The following LARP1 variants were observed in gnomAD, a reference collection of about 807,000 sequenced individuals.
LARP1 encodes the protein La ribonucleoprotein 1, translational regulator.
In LARP1, 36 loss-of-function variants were observed where a neutral mutation model predicts 122.7. The observed-to-expected ratio is 0.29, with a 90% CI of 0.22 to 0.39. LARP1 has a LOEUF of 0.39. LARP1 is among the 10% of genes least tolerant of loss of function. LARP1 has a pLI of 1.00. For missense variants in LARP1, 1,040 were observed against 1,403.6 expected, an observed-to-expected ratio of 0.74 and a Z score of 4.14; for synonymous variants, 539 against 528.7, an observed-to-expected ratio of 1.02 and a Z score of -0.27.
chr5:154,750,985 G>A (rs1201649517), upstream of LARP1, among the ~76,000 whole-genome samples: 3 of 152,186 alleles, frequency 2.0e-5, no homozygotes, highest in African/African-American at 7.2e-5. Context: ...TCTGCCTAAA[G>A]CATATTTTGT....
chr5:154,736,541 TTTA>T (rs1561554069), intron 1 of LARP1, among the ~76,000 whole-genome samples: 5 of 92,580 alleles, frequency 5.4e-5, no homozygotes, highest in Admixed American at 2.3e-4. Flanking sequence ...CCTATTTTTA[TTTA>T]TTTATTTATT....
upstream of LARP1, among the ~76,000 whole-genome samples, chr5:154,754,793 C>A (rs1295595829): frequency 6.6e-6 from 1 of 152,132 alleles, no homozygotes; most frequent in Non-Finnish European, 1.5e-5. Context: ...GTCACCCGGG[C>A]GGGGACCGAA....
chr5:154,746,231 T>C (rs1423592077), intron 1 of LARP1, among the ~76,000 whole-genome samples: 3 of 151,490 alleles, frequency 2.0e-5, no homozygotes, highest in Non-Finnish European at 4.4e-5. Context: ...GACCATGTCT[T>C]GTCCCTTATT....
intron 8 of LARP1, among the ~76,000 whole-genome samples, chr5:154,798,685 A>T (rs1034085510): frequency 3.9e-5 from 6 of 152,214 alleles, no homozygotes; most frequent in Admixed American, 2.6e-4. Flanking sequence ...GTAGTGATAG[A>T]GTCTCGCTAT....
At position 154,756,190 on chromosome 5, in the gene LARP1, C is replaced by A; in HGVS notation, c.433C>A (p.Pro145Thr). The change falls in exon 1 of 19, where the codon CCA becomes ACA. Residue 145 changes from proline to threonine, a missense_variant. By Grantham distance (38) the Pro-to-Thr change is conservative. Transcript: ENST00000518297. The stretch of plus-strand genomic sequence containing the variant: ...GACCACCGTGAACGGACAGTCCCCC[C>A]CAGGTGGGTCTCCCTCCTTGCCCTC... ...VLTTVNGQSPPEHSAPAKVVR... is the reference protein window; with the variant it reads ...VLTTVNGQSPTEHSAPAKVVR... 1.5e-6 allele frequency: 2 copies of A among 1,294,898 alleles called. No homozygotes were observed. The highest frequency in any genetic ancestry group is 2.0e-6 in the Non-Finnish European group (2 of 988,624). The allele number at this position is 1,294,898 out of a possible 1,614,324, so 80.2% of individuals were successfully genotyped here. A position where few individuals can be genotyped will look rare whatever the true frequency, so the allele number is the denominator to read the frequency against.
chr5:154,793,485 CA>C, intron 4 of LARP1, 109 bp from the exon 5 acceptor site: 2 of 1,370,214 alleles, frequency 1.5e-6, no homozygotes, highest in Non-Finnish European at 2.1e-6. Flanking sequence ...CCAAGGTAAC[CA>C]GATTGTGATT....
At chr5:154,784,440 A>G (rs1266695720) in intron 1 of LARP1, among the ~76,000 whole-genome samples, 1 of 152,200 alleles carries the variant, frequency 6.6e-6, no homozygotes, top group Non-Finnish European at 1.5e-5. Flanking sequence ...CCTAAACCCA[A>G]CAGATTACCT....
intron 1 of LARP1, among the ~76,000 whole-genome samples, chr5:154,765,988 CT>C (rs1754917961): frequency 6.6e-6 from 1 of 151,386 alleles, no homozygotes; most frequent in South Asian, 2.1e-4. Flanking sequence ...GTATGGAATT[CT>C]TTGGCAGTGT....
At chr5:154,796,346 G>GT (rs1442848248) in intron 8 of LARP1, among the ~76,000 whole-genome samples, 1 of 150,778 alleles carries the variant, frequency 6.6e-6, no homozygotes, top group Non-Finnish European at 1.5e-5. Context: ...GCAGGACCCT[G>GT]TCTCTACAAA....
At chr5:154,754,844 G>T (rs1007070402), upstream of LARP1, among the ~76,000 whole-genome samples, 2 of 152,080 alleles carry the variant, frequency 1.3e-5, no homozygotes, top group African/African-American at 4.8e-5. Context: ...GGCGGCGTTG[G>T]CGCGTCCTCG....
chr5:154,804,459 C>T, intron 14 of LARP1, 152 bp downstream of exon 14: 1 of 647,738 alleles, frequency 1.5e-6, no homozygotes, highest in Non-Finnish European at 2.7e-6. Context: ...AAAGCTCAGC[C>T]CAGGACCTGG....
At chr5:154,791,245 A>G (rs753880052) in intron 3 of LARP1, among the ~76,000 whole-genome samples, 1 of 128,538 alleles carries the variant, frequency 7.8e-6, no homozygotes, top group African/African-American at 3.0e-5. Flanking sequence ...AGCAATTCTC[A>G]CTCTGTCACC....
rs144793019 is a variant in LARP1 at position 154,778,732 on chromosome 5, C to T, written c.437-11593C>T. On this transcript the variant is annotated intron_variant, in intron 1 of 18. Coordinates refer to ENST00000518297, the MANE Select transcript of LARP1 (RefSeq NM_033551.3). ...AAGAGCTCTGGTGTCTGCGCCAGGACTGTCAACCAGTCTCTTGACTTCTAG... is the reference window on the plus strand; with the variant it reads ...AAGAGCTCTGGTGTCTGCGCCAGGATTGTCAACCAGTCTCTTGACTTCTAG... Among the ~76,000 whole-genome samples, 481 of 152,326 alleles carry T rather than the reference C, an allele frequency of 3.2e-3. 2 individuals carry two copies. Among genetic ancestry groups the T allele is most frequent in the African/African-American group, 0.011 (468 of 41,558 alleles).
intron 1 of LARP1, among the ~76,000 whole-genome samples, chr5:154,786,229 CAG>C (rs1756870305): frequency 6.6e-6 from 1 of 152,084 alleles, no homozygotes; most frequent in Non-Finnish European, 1.5e-5. Flanking sequence ...TTAGTATAGA[CAG>C]AGTTTCACCA....
At position 154,814,894 on chromosome 5, in the gene LARP1, A is replaced by G. The variant is rs1369257488; in HGVS notation, c.*798A>G. 6.6e-6 allele frequency: 1 copy of G among 151,814 alleles called. No individual in the cohort carries two copies. The highest frequency in any genetic ancestry group is 2.4e-5 in the African/African-American group (1 of 40,972). The allele number at this position is 151,814 out of a possible 1,614,324, so 9.4% of individuals were successfully genotyped here. A position where few individuals can be genotyped will look rare whatever the true frequency, so the allele number is the denominator to read the frequency against. On this transcript the variant is annotated 3_prime_UTR_variant, in exon 19 of 19. Transcript: ENST00000518297. ...AGAAAAAAGACAAAATCGACCATAAAAGACCAAAAAAAAAAAAAAAATCAG... is the reference window on the plus strand; with the variant it reads ...AGAAAAAAGACAAAATCGACCATAAGAGACCAAAAAAAAAAAAAAAATCAG...
intron 1 of LARP1, chr5:154,705,737 G>T (rs1186238583): frequency 6.6e-6 from 1 of 151,990 alleles, no homozygotes; most frequent in Non-Finnish European, 1.5e-5. Context: ...AAAAAAAAAG[G>T]CAAAAAAATA....
intron 8 of LARP1, among the ~76,000 whole-genome samples, chr5:154,796,073 GTATATATATTATA>G: frequency 1.3e-5 from 1 of 78,842 alleles, no homozygotes; most frequent in African/African-American, 5.0e-5. Context: ...TTTATATATA[GTATATATATTATA>G]TATATATTTT....
At chr5:154,744,668 C>T (rs1357902323) in intron 1 of LARP1, among the ~76,000 whole-genome samples, 3 of 77,678 alleles carry the variant, frequency 3.9e-5, no homozygotes, top group African/African-American at 6.7e-5. Context: ...GACGGAGTCT[C>T]GCTCTGTCGC....
intron 1 of LARP1, among the ~76,000 whole-genome samples, chr5:154,697,489 A>C (rs2113232095): frequency 6.6e-6 from 1 of 152,360 alleles, no homozygotes; most frequent in Non-Finnish European, 1.5e-5. Context: ...TATTCATAAT[A>C]GCGAAAATGT....
Sources: gnomAD v4.1 joint callset for allele counts (sites outside exome capture counted in the v4.1 genomes callset) on GRCh38, gnomAD v4.1.1 for gene constraint, MANE v1.5 for transcripts, NCBI Gene and HGNC (gene_info 2026-07-23, HGNC 2026-07-21) for gene names.